The following PRKG1 variants were observed in gnomAD, a reference collection of about 807,000 sequenced individuals.
The protein encoded by PRKG1 is cGMP-dependent protein kinase 1.
PRKG1 carries 35 observed loss-of-function variants against 88.1 expected under a neutral mutation model. The ratio of observed to expected loss-of-function variants is 0.40; its 90% CI spans 0.30 to 0.53. The LOEUF is 0.53. PRKG1 is among the 20% of genes least tolerant of loss of function. The probability of loss-of-function intolerance (pLI) is 0.59; values close to 1 mark genes in which losing one functional copy is unlikely to be tolerated. For missense variants in PRKG1, 540 were observed against 839.8 expected, an observed-to-expected ratio of 0.64 and a Z score of 4.41; for synonymous variants, 303 against 292.5, an observed-to-expected ratio of 1.04 and a Z score of -0.37.
chr10:51,886,516 T>C lies in PRKG1; in HGVS notation c.699-20991T>C, dbSNP rs76737150. Among the ~76,000 whole-genome samples the C allele has an allele frequency of 3.9e-3, 595 of 152,336 alleles. 3 individuals carry two copies. The highest frequency in any genetic ancestry group is 6.8e-3 in the Middle Eastern group (2 of 294). On this transcript the variant is annotated intron_variant, in intron 4 of 17. Coordinates refer to ENST00000373980, the MANE Select transcript of PRKG1 (RefSeq NM_006258.4). ...GGAGTTTCTTTTCGACCTGCTAATG[T>C]TGGATAAACATTTCAGTCATTGAAG...
At chr10:52,063,631 G>A (rs149175952) in intron 7 of PRKG1, among the ~76,000 whole-genome samples, 104 of 152,324 alleles carry the variant, frequency 6.8e-4, no homozygotes, top group African/African-American at 2.1e-3. Context: ...AGGTTGAACA[G>A]GACAAAGAGG....
intron 3 of PRKG1, among the ~76,000 whole-genome samples, chr10:51,530,552 G>C (rs550619612): frequency 6.6e-6 from 1 of 152,122 alleles, no homozygotes; most frequent in South Asian, 2.1e-4. Flanking sequence ...TTTTGTATTG[G>C]AGCCATTTGC....
At chr10:51,141,744 A>G (rs1845824503) in intron 1 of PRKG1, among the ~76,000 whole-genome samples, 1 of 152,138 alleles carries the variant, frequency 6.6e-6, no homozygotes, top group Admixed American at 6.6e-5. Context: ...GAAAATCTTA[A>G]GGTAGCTAAC....
rs186139733 is a variant in PRKG1 at position 51,155,968 on chromosome 10, C to T, written c.478+2638C>T. Among the ~76,000 whole-genome samples the T allele has an allele frequency of 1.1e-4, 17 of 152,008 alleles. No individual in the cohort carries two copies. The East Asian group carries it at 3.1e-3, about 28-fold the overall frequency. ...ATCCAAGTTGACATGTAAAATTAAA[C>T]ATCACAAGTCAATCGACCCCTTGTC... On this transcript the variant is annotated intron_variant, in intron 2 of 17. Transcript: ENST00000373980.
intron 2 of PRKG1, among the ~76,000 whole-genome samples, chr10:51,167,827 A>C (rs751818505): frequency 3.9e-5 from 6 of 152,152 alleles, no homozygotes; most frequent in Non-Finnish European, 8.8e-5. Flanking sequence ...ACAAGACAAG[A>C]TTTCTGTTCT....
At chr10:51,643,144 CTAGT>C (rs1839840711) in intron 3 of PRKG1, among the ~76,000 whole-genome samples, 1 of 152,040 alleles carries the variant, frequency 6.6e-6, no homozygotes, top group Admixed American at 6.6e-5. Flanking sequence ...CAATGGAATG[CTAGT>C]TAATTTTTGG....
rs532347552 is a variant in PRKG1, at chr10:51,943,278, G to A, written c.762+35708G>A. ...TTGTCTGTTATTGGTGTATAAGAATGCTTGTGATTTTTGTACATTGATTTT... is the reference window on the plus strand; with the variant it reads ...TTGTCTGTTATTGGTGTATAAGAATACTTGTGATTTTTGTACATTGATTTT... On this transcript the variant is annotated intron_variant, in intron 5 of 17. Coordinates refer to ENST00000373980, the MANE Select transcript of PRKG1 (RefSeq NM_006258.4). Among the ~76,000 whole-genome samples, 7 of 151,970 alleles carry A rather than the reference G, an allele frequency of 4.6e-5. No individual in the cohort carries two copies. The South Asian group carries it at 1.5e-3, about 32-fold the overall frequency.
intron 3 of PRKG1, among the ~76,000 whole-genome samples, chr10:51,781,565 A>G (rs1427739510): frequency 6.6e-6 from 1 of 152,114 alleles, no homozygotes; most frequent in Non-Finnish European, 1.5e-5. Context: ...TCTCTGAAAA[A>G]TCTTTTTATA....
At chr10:51,296,178 TG>T (rs1389781017) in intron 2 of PRKG1, among the ~76,000 whole-genome samples, 4 of 152,198 alleles carry the variant, frequency 2.6e-5, no homozygotes, top group Non-Finnish European at 5.9e-5. Flanking sequence ...AGGATGGTCC[TG>T]GCCTCATAAG....
chr10:51,010,192 G>C (rs1209488511), intron 1 of PRKG1, among the ~76,000 whole-genome samples: 2 of 152,212 alleles, frequency 1.3e-5, no homozygotes, highest in African/African-American at 4.8e-5. Flanking sequence ...CATGGAGCAC[G>C]TGCAGAAAAG....
intron 1 of PRKG1, among the ~76,000 whole-genome samples, chr10:51,080,277 A>T (rs372989276): frequency 5.1e-4 from 78 of 152,336 alleles, no homozygotes; most frequent in African/African-American, 1.8e-3. Context: ...GAATGGCTCT[A>T]CTACCTGCCT....
intron 9 of PRKG1, among the ~76,000 whole-genome samples, chr10:52,162,781 T>C (rs1838311618): frequency 6.6e-6 from 1 of 152,170 alleles, no homozygotes; most frequent in Admixed American, 6.5e-5. Flanking sequence ...AAGAATTATA[T>C]TCTATGTTAA....
chr10:51,166,861 G>A (rs1032613910), intron 2 of PRKG1, among the ~76,000 whole-genome samples: 4 of 152,124 alleles, frequency 2.6e-5, no homozygotes, highest in Admixed American at 2.6e-4. Context: ...ATGAATATTT[G>A]AAACTCTTTG....
chr10:51,137,609 CT>C (rs1338992008), intron 1 of PRKG1, among the ~76,000 whole-genome samples: 2 of 152,040 alleles, frequency 1.3e-5, no homozygotes, highest in African/African-American at 2.4e-5. Context: ...AATAAATTTT[CT>C]TGAAAGAAAA....
In PRKG1 at chr10:52,149,042, A is replaced by G. The variant is rs114591830; in HGVS notation, c.1002-12847A>G. Among the ~76,000 whole-genome samples the G allele has an allele frequency of 9.5e-3, 1,427 of 150,202 alleles. 25 individuals are homozygous for G. Among genetic ancestry groups the G allele is most frequent in the East Asian group, 0.052 (260 of 5,040 alleles). ...AGAAAGAAAAGTCAAAAGGGAAACA[A>G]CAAAACAATAAGAAAGATTGTAATT... On this transcript the variant is annotated intron_variant, in intron 8 of 17. Coordinates refer to ENST00000373980, the MANE Select transcript of PRKG1 (RefSeq NM_006258.4).
intron 2 of PRKG1, among the ~76,000 whole-genome samples, chr10:51,430,249 T>C (rs1364152332): frequency 1.3e-5 from 2 of 151,932 alleles, no homozygotes; most frequent in Non-Finnish European, 2.9e-5. Context: ...ATCTCGTCTC[T>C]ACAAAAAATT....
intron 8 of PRKG1, among the ~76,000 whole-genome samples, chr10:52,155,273 G>A (rs1424618790): frequency 6.6e-6 from 1 of 151,968 alleles, no homozygotes; most frequent in African/African-American, 2.4e-5. Flanking sequence ...TTCCCACTAG[G>A]AATGTAAGTG....
At chr10:52,038,769 A>G (rs2133225476) in intron 5 of PRKG1, among the ~76,000 whole-genome samples, 1 of 152,296 alleles carries the variant, frequency 6.6e-6, no homozygotes, top group Middle Eastern at 3.4e-3. Context: ...ATAAAACACC[A>G]GGGGAAGGCT....
At chr10:51,812,587 C>CT (rs1218205108) in intron 4 of PRKG1, among the ~76,000 whole-genome samples, 1 of 152,054 alleles carries the variant, frequency 6.6e-6, no homozygotes, top group Non-Finnish European at 1.5e-5. Flanking sequence ...GTGACCATGA[C>CT]TTTTTTTGGT....
Sources: gnomAD v4.1 joint callset for allele counts (sites outside exome capture counted in the v4.1 genomes callset) on GRCh38, gnomAD v4.1.1 for gene constraint, MANE v1.5 for transcripts, NCBI Gene and HGNC (gene_info 2026-07-23, HGNC 2026-07-21) for gene names.